Variants in NALCN observed in about 807,000 individuals in gnomAD.
NALCN encodes the protein sodium leak channel NALCN.
In NALCN, 111 loss-of-function variants were observed where a neutral mutation model predicts 225.3. The observed-to-expected ratio is 0.49, with a 90% CI of 0.42 to 0.58. NALCN has a LOEUF of 0.58. Ranked by LOEUF, NALCN falls within the 20% of genes least tolerant of loss-of-function variation. The pLI is 0.00. For missense variants in NALCN, 1,378 were observed against 2,202.4 expected (o/e 0.63, Z 7.49); for synonymous variants, 764 against 769.0 (o/e 0.99, Z 0.11).
intron 41 of NALCN, 87 bp downstream of exon 41, chr13:101,061,881 T>C (rs1027123873): frequency 1.5e-5 from 20 of 1,304,564 alleles, no homozygotes; most frequent in Non-Finnish European, 2.1e-5. Context: ...GCTAATCCCA[T>C]GTTCACGAAG....
chr13:101,115,895 T>TA (rs773634881), intron 18 of NALCN, among the ~76,000 whole-genome samples: 6 of 152,170 alleles, frequency 3.9e-5, no homozygotes, highest in Non-Finnish European at 5.9e-5. Flanking sequence ...TGGCTTCATA[T>TA]AAAAAACTGG....
At chr13:101,386,631 T>G (rs2046994086) in intron 3 of NALCN, among the ~76,000 whole-genome samples, 1 of 152,040 alleles carries the variant, frequency 6.6e-6, no homozygotes. Context: ...GGCAAATTAC[T>G]AGGTCAATAA....
chr13:101,346,428 G>C (rs1284961863), intron 6 of NALCN, among the ~76,000 whole-genome samples: 1 of 152,016 alleles, frequency 6.6e-6, no homozygotes, highest in Non-Finnish European at 1.5e-5. Flanking sequence ...AAGCAATGTT[G>C]CATGATGAAA....
At position 101,154,570 on chromosome 13, in the gene NALCN, G is replaced by A. The variant is rs74116707; in HGVS notation, c.1840-9674C>T. On this transcript the variant is annotated intron_variant, in intron 15 of 43. Coordinates refer to ENST00000251127, the MANE Select transcript of NALCN (RefSeq NM_052867.4). ...GTTTGCACTATAACTTTCTAATTAC[G>A]TGTGCTTTTCCCCTACTAGCATGAT... Among the ~76,000 whole-genome samples, 405 of 152,152 alleles carry A rather than the reference G, an allele frequency of 2.7e-3. 2 individuals are homozygous for A. The highest frequency in any genetic ancestry group is 8.7e-3 in the African/African-American group (361 of 41,522).
intron 15 of NALCN, among the ~76,000 whole-genome samples, chr13:101,168,243 T>C (rs1380587244): frequency 6.6e-6 from 1 of 152,174 alleles, no homozygotes; most frequent in Non-Finnish European, 1.5e-5. Context: ...AAGTTCCTGC[T>C]CTCTAAAGGC....
Position 101,257,206 on chromosome 13 carries a change from A to AT in NALCN, c.1266+1236dup, listed in dbSNP as rs1344436783. On this transcript the variant is annotated intron_variant, in intron 11 of 43. Coordinates refer to ENST00000251127, the MANE Select transcript of NALCN (RefSeq NM_052867.4). ...CCATAGCACAAAACTCTTATTGTTT[A>AT]TTGTTTTTTTTTTTTTTTTTTGCTA... Among the ~76,000 whole-genome samples, 15 of 81,126 alleles carry AT rather than the reference A, an allele frequency of 1.8e-4. No homozygotes were observed. In the East Asian group the frequency reaches 5.0e-3, roughly 27 times the overall value. 53.2% of individuals were successfully genotyped at this position (81,126 alleles called of 152,430 possible).
At chr13:101,290,189 CCTTT>C (rs1566537357) in intron 9 of NALCN, among the ~76,000 whole-genome samples, 1 of 152,160 alleles carries the variant, frequency 6.6e-6, no homozygotes, top group Non-Finnish European at 1.5e-5. Flanking sequence ...TTCACATTTC[CCTTT>C]CTATTAGAAC....
chr13:101,116,313 C>CATATATATATAT (rs72172114), intron 18 of NALCN: 1 of 152,244 alleles, frequency 6.6e-6, no homozygotes, highest in African/African-American at 2.5e-5. Context: ...ATATGACAGC[C>CATATATATATAT]ATATATATAT....
intron 18 of NALCN, chr13:101,116,737 G>C: frequency 2.7e-6 from 1 of 365,128 alleles, no homozygotes; most frequent in East Asian, 7.3e-5. Flanking sequence ...TACATTTGAG[G>C]GATTTTGCTC....
chr13:101,247,327 CT>C (rs2041926481), intron 11 of NALCN, among the ~76,000 whole-genome samples: 2 of 152,148 alleles, frequency 1.3e-5, no homozygotes, highest in South Asian at 4.1e-4. Context: ...GTGACAAGAA[CT>C]GTGATATCAC....
intron 13 of NALCN, among the ~76,000 whole-genome samples, chr13:101,223,695 C>T (rs549333041): frequency 1.6e-4 from 25 of 152,292 alleles, no homozygotes; most frequent in African/African-American, 5.8e-4. Context: ...CATAAAGACT[C>T]GGTTACACTT....
rs575541667 is a variant in NALCN at position 101,406,221 on chromosome 13, G to A, written c.-39-7056C>T. Among the ~76,000 whole-genome samples, 3 of 151,956 alleles carry A rather than the reference G, an allele frequency of 2.0e-5. No homozygotes were observed. In the South Asian group the frequency reaches 6.2e-4, roughly 32 times the overall value. ...TGCACCTGTAGTCCCAGCTACTCAGGAGTCTGAGGTGGGAGGCTCACTTGA... is the reference window on the plus strand; with the variant it reads ...TGCACCTGTAGTCCCAGCTACTCAGAAGTCTGAGGTGGGAGGCTCACTTGA... On this transcript the variant is annotated intron_variant, in intron 1 of 43. Transcript: ENST00000251127.
intron 14 of NALCN, among the ~76,000 whole-genome samples, chr13:101,178,202 G>A (rs961549769): frequency 3.9e-5 from 6 of 152,076 alleles, no homozygotes; most frequent in South Asian, 2.1e-4. Flanking sequence ...TTCTCACCCC[G>A]AATTCTGAGA....
intron 15 of NALCN, among the ~76,000 whole-genome samples, chr13:101,145,910 G>A (rs889072206): frequency 2.0e-5 from 3 of 152,118 alleles, no homozygotes; most frequent in African/African-American, 4.8e-5. Context: ...TTACCTCCTT[G>A]TTGGGTATGG....
At chr13:101,305,630 C>T (rs1308454676) in intron 7 of NALCN, among the ~76,000 whole-genome samples, 1 of 152,212 alleles carries the variant, frequency 6.6e-6, no homozygotes, top group African/African-American at 2.4e-5. Flanking sequence ...AACAATACCT[C>T]TTGTCTCCTT....
chr13:101,261,866 G>A (rs2042439570), intron 10 of NALCN, among the ~76,000 whole-genome samples: 1 of 152,142 alleles, frequency 6.6e-6, no homozygotes, highest in Admixed American at 6.6e-5. Context: ...TTCTAGCTGG[G>A]ACTTCCAGTA....
At chr13:101,171,843 G>A (rs940073603) in intron 15 of NALCN, among the ~76,000 whole-genome samples, 2 of 152,110 alleles carry the variant, frequency 1.3e-5, no homozygotes, top group Middle Eastern at 3.2e-3. Context: ...CTGCCAAAAT[G>A]CCTCGATTAA....
intron 1 of NALCN, among the ~76,000 whole-genome samples, chr13:101,414,556 T>TTAAA (rs1555349415): frequency 1.1e-4 from 17 of 151,568 alleles, no homozygotes; most frequent in African/African-American, 3.9e-4. Context: ...GCCGGAATGA[T>TTAAA]AAAATCACCT....
chr13:101,346,087 C>CTATATATATATATA (rs71121188), intron 6 of NALCN, among the ~76,000 whole-genome samples: 25 of 70,934 alleles, frequency 3.5e-4, no homozygotes, highest in East Asian at 8.4e-4. Context: ...CTCTCTCTCT[C>CTATATATATATATA]TATATATATA....
Sources: allele counts gnomAD v4.1 joint callset (sites outside exome capture counted in the v4.1 genomes callset), GRCh38; gene constraint gnomAD v4.1.1; transcripts MANE v1.5; gene names NCBI Gene and HGNC (gene_info 2026-07-23, HGNC 2026-07-21).